The following GPC6 variants were observed in gnomAD, a reference collection of about 807,000 sequenced individuals.
GPC6 encodes the protein glypican-6.
GPC6 carries 14 observed loss-of-function variants against 55.2 expected under a neutral mutation model. That is an observed-to-expected ratio of 0.25 (90% CI 0.17 to 0.40). The LOEUF is 0.40. Among genes scored for constraint, GPC6 ranks in the 10% least tolerant of loss-of-function variants. GPC6 has a pLI of 1.00. For missense variants in GPC6, 641 were observed against 708.5 expected (o/e 0.90, Z 1.08); for synonymous variants, 278 against 259.6 (o/e 1.07, Z -0.68).
At chr13:93,565,931 AAAC>A (rs964086602) in intron 2 of GPC6, among the ~76,000 whole-genome samples, 1 of 73,074 alleles carries the variant, frequency 1.4e-5, no homozygotes, top group African/African-American at 4.5e-5. Flanking sequence ...CAAAACAAAC[AAAC>A]AAAAAAAAAA....
intron 4 of GPC6, among the ~76,000 whole-genome samples, chr13:94,165,274 A>G (rs1011425273): frequency 2.1e-5 from 3 of 142,834 alleles, no homozygotes; most frequent in Non-Finnish European, 3.0e-5. Context: ...ATATATATAC[A>G]CATATATATA....
intron 6 of GPC6, among the ~76,000 whole-genome samples, chr13:94,373,507 T>G (rs1401446362): frequency 6.6e-6 from 1 of 151,804 alleles, no homozygotes; most frequent in African/African-American, 2.4e-5. Flanking sequence ...GAACGGAAGT[T>G]TAGAGAAAAA....
At chr13:94,088,074 C>A (rs891577625) in intron 4 of GPC6, among the ~76,000 whole-genome samples, 1 of 152,148 alleles carries the variant, frequency 6.6e-6, no homozygotes, top group African/African-American at 2.4e-5. Context: ...TCTGTGAGTT[C>A]TTTTGCTGTA....
chr13:94,223,096 A>T (rs1890435480), intron 4 of GPC6, among the ~76,000 whole-genome samples: 1 of 152,176 alleles, frequency 6.6e-6, no homozygotes, highest in Non-Finnish European at 1.5e-5. Flanking sequence ...TCCTATTTTT[A>T]AAAATGACCA....
intron 3 of GPC6, among the ~76,000 whole-genome samples, chr13:93,970,368 A>C (rs1398949777): frequency 2.6e-5 from 4 of 152,220 alleles, no homozygotes; most frequent in Non-Finnish European, 4.4e-5. Flanking sequence ...GGAAATTTTA[A>C]AAGAAGGCTG....
chr13:93,889,948 A>G (rs1291309115), intron 3 of GPC6, among the ~76,000 whole-genome samples: 1 of 152,084 alleles, frequency 6.6e-6, no homozygotes, highest in East Asian at 1.9e-4. Flanking sequence ...AAAGATACAT[A>G]CCATTCTATA....
At chr13:93,973,796 T>G (rs1880397262) in intron 3 of GPC6, among the ~76,000 whole-genome samples, 1 of 152,138 alleles carries the variant, frequency 6.6e-6, no homozygotes, top group African/African-American at 2.4e-5. Flanking sequence ...AAACTACAGA[T>G]GCATGTTTTA....
intron 3 of GPC6, among the ~76,000 whole-genome samples, chr13:93,880,803 G>A (rs892412412): frequency 1.1e-4 from 17 of 151,586 alleles, no homozygotes; most frequent in African/African-American, 2.4e-4. Context: ...TTATTTAACC[G>A]TGTGCATGGG....
At chr13:93,417,499 G>C (rs919696715) in intron 1 of GPC6, among the ~76,000 whole-genome samples, 5 of 151,942 alleles carry the variant, frequency 3.3e-5, no homozygotes, top group Non-Finnish European at 5.9e-5. Context: ...AGTGTAATCT[G>C]TTCTTTTTCT....
Position 94,404,752 on chromosome 13 carries a change from G to A in GPC6, c.*1535G>A, listed in dbSNP as rs762643184. On this transcript the variant is annotated 3_prime_UTR_variant, in exon 9 of 9. Coordinates refer to ENST00000377047, the MANE Select transcript of GPC6 (RefSeq NM_005708.5). ...TTCATGTAAAACACCTTCGGCCTAG[G>A]ATTCCTGCCTGGCACTTGGATACAT... 6.6e-5 allele frequency: 10 copies of A among 152,184 alleles called. No homozygotes were observed. The highest frequency in any genetic ancestry group is 1.0e-4 in the Non-Finnish European group (7 of 68,044). The allele number at this position is 152,184 out of a possible 1,614,324, so 9.4% of individuals were successfully genotyped here. A position where few individuals can be genotyped will look rare whatever the true frequency, so the allele number is the denominator to read the frequency against.
At chr13:93,552,974 A>T (rs1029718985) in intron 2 of GPC6, among the ~76,000 whole-genome samples, 7 of 152,286 alleles carry the variant, frequency 4.6e-5, no homozygotes, top group Admixed American at 2.6e-4. Flanking sequence ...TTTAATGGGG[A>T]TGTAAATTAC....
In GPC6 at chr13:93,227,296, T is replaced by G. The variant is rs1875822611; in HGVS notation, c.-161T>G. The G allele has an allele frequency of 3.0e-6, 2 of 669,304 alleles. No individual in the cohort carries two copies. The highest frequency in any genetic ancestry group is 5.5e-5 in the Admixed American group (2 of 36,664). 41.5% of individuals were successfully genotyped at this position (669,304 alleles called of 1,614,324 possible). On this transcript the variant is annotated 5_prime_UTR_variant, in exon 1 of 9. Coordinates refer to ENST00000377047, the MANE Select transcript of GPC6 (RefSeq NM_005708.5). The surrounding 1 kb of genome is among the most constrained non-coding windows in gnomAD (Gnocchi z 4.3). ...GCTTATAAAAGTTTGCTGAGCGCAG[T>G]CCAGAGGGCTGCGCTGCTCGTCCCC...
intron 1 of GPC6, among the ~76,000 whole-genome samples, chr13:93,375,565 G>A (rs184356633): frequency 1.3e-4 from 20 of 152,268 alleles, no homozygotes; most frequent in African/African-American, 4.3e-4. Flanking sequence ...TCCTGCCACC[G>A]TTTTACTACC....
At chr13:93,546,668 G>A (rs895649437) in intron 2 of GPC6, among the ~76,000 whole-genome samples, 1 of 152,142 alleles carries the variant, frequency 6.6e-6, no homozygotes, top group Non-Finnish European at 1.5e-5. Context: ...GTACTTAGGG[G>A]TTACTCTTGA....
chr13:93,247,309 G>C (rs896043489), intron 1 of GPC6, among the ~76,000 whole-genome samples: 10 of 152,142 alleles, frequency 6.6e-5, no homozygotes, highest in African/African-American at 2.4e-4. Context: ...GCAGAGTTTA[G>C]GATTGCTATT....
chr13:94,031,306 A>G (rs1594680526), intron 4 of GPC6, among the ~76,000 whole-genome samples: 1 of 152,204 alleles, frequency 6.6e-6, no homozygotes, highest in East Asian at 1.9e-4. Flanking sequence ...TCCTTACAAC[A>G]TTGAAAAAAT....
chr13:93,693,461 CTG>C (rs35459356), intron 2 of GPC6, among the ~76,000 whole-genome samples: 37,956 of 139,130 alleles, frequency 0.27, 5,670 homozygotes, highest in East Asian at 0.6. Context: ...GTATGTATAT[CTG>C]TGTGTGTGTG....
chr13:93,666,990 A>G (rs1397464158), intron 2 of GPC6, among the ~76,000 whole-genome samples: 2 of 152,216 alleles, frequency 1.3e-5, no homozygotes. Flanking sequence ...ACAGTATTCA[A>G]AATAACTTTT....
chr13:93,486,039 G>T (rs894243703), intron 1 of GPC6, among the ~76,000 whole-genome samples: 1 of 152,116 alleles, frequency 6.6e-6, no homozygotes, highest in East Asian at 1.9e-4. Flanking sequence ...CATAAAAGGC[G>T]GAGAAAATAA....
Sources: allele counts gnomAD v4.1 joint callset (sites outside exome capture counted in the v4.1 genomes callset), GRCh38; gene constraint gnomAD v4.1.1; non-coding constraint Gnocchi (gnomAD v3.1); transcripts MANE v1.5; gene names NCBI Gene and HGNC (gene_info 2026-07-23, HGNC 2026-07-21).